Variants in NRXN3 observed in about 807,000 individuals in gnomAD.
NRXN3 encodes the protein neurexin 3.
A neutral mutation model predicts 137.6 loss-of-function variants in NRXN3; 32 were observed. That is an observed-to-expected ratio of 0.23 (90% confidence interval 0.18 to 0.31). The LOEUF is 0.31. Among genes scored for constraint, NRXN3 ranks in the 10% least tolerant of loss-of-function variants. The pLI is 1.00. For missense variants in NRXN3, 1,574 were observed against 2,062.5 expected (o/e 0.76, Z 4.59); for synonymous variants, 798 against 784.5 (o/e 1.02, Z -0.29).
intron 8 of NRXN3, among the ~76,000 whole-genome samples, chr14:78,772,229 G>A (rs745558952): frequency 6.6e-6 from 1 of 152,100 alleles, no homozygotes; most frequent in African/African-American, 2.4e-5. Context: ...AGTGACACTG[G>A]TTTCAATGAA....
chr14:78,725,341 T>C (rs929701770), intron 8 of NRXN3, among the ~76,000 whole-genome samples: 1 of 152,222 alleles, frequency 6.6e-6, no homozygotes, highest in Admixed American at 6.5e-5. Flanking sequence ...AGATAACTGC[T>C]CTGATGTTTG....
intron 2 of NRXN3, among the ~76,000 whole-genome samples, chr14:78,246,840 G>GAGA (rs995529196): frequency 3.3e-5 from 5 of 152,218 alleles, no homozygotes; most frequent in African/African-American, 1.2e-4. Flanking sequence ...AGTGGGTAGA[G>GAGA]AGAAATGCAT....
chr14:78,959,700 A>C (rs2152975049), intron 11 of NRXN3, among the ~76,000 whole-genome samples: 1 of 152,318 alleles, frequency 6.6e-6, no homozygotes, highest in African/African-American at 2.4e-5. Flanking sequence ...ATTTTAAAAG[A>C]GATGTACAAA....
intron 20 of NRXN3, among the ~76,000 whole-genome samples, chr14:79,830,049 C>T (rs1032501664): frequency 8.5e-5 from 13 of 152,192 alleles, no homozygotes; most frequent in South Asian, 2.1e-4. Flanking sequence ...GCATCATGGC[C>T]GCTTCCTTTA....
intron 10 of NRXN3, among the ~76,000 whole-genome samples, chr14:78,847,375 G>A (rs917302560): frequency 6.6e-6 from 1 of 152,120 alleles, no homozygotes; most frequent in African/African-American, 2.4e-5. Context: ...GACTCAAATT[G>A]CATCTTGCCC....
chr14:79,718,251 C>T (rs921735755), intron 19 of NRXN3, among the ~76,000 whole-genome samples: 11 of 152,050 alleles, frequency 7.2e-5, no homozygotes, highest in Non-Finnish European at 7.4e-5. Flanking sequence ...GCAGAGGGAA[C>T]GGTTAGTGTA....
chr14:78,886,970 G>A (rs1008403470), intron 10 of NRXN3, among the ~76,000 whole-genome samples: 15 of 152,188 alleles, frequency 9.9e-5, no homozygotes, highest in Admixed American at 1.3e-4. Context: ...GTCTAACTTC[G>A]TTTTGTGTTT....
intron 15 of NRXN3, among the ~76,000 whole-genome samples, chr14:79,044,862 C>G (rs980433000): frequency 6.0e-5 from 9 of 149,872 alleles, no homozygotes; most frequent in Non-Finnish European, 1.0e-4. Context: ...CTGCTATAAC[C>G]ATTCTCAGCA....
intron 4 of NRXN3, among the ~76,000 whole-genome samples, chr14:78,456,968 T>A (rs114336223): frequency 0.031 from 4,558 of 147,174 alleles, 229 homozygotes; most frequent in East Asian, 0.28. Context: ...GCTTCCTTCC[T>A]TCTTCCTTCT....
intron 15 of NRXN3, among the ~76,000 whole-genome samples, chr14:79,122,115 A>C (rs1411804053): frequency 2.0e-5 from 3 of 152,172 alleles, no homozygotes; most frequent in African/African-American, 4.8e-5. Context: ...CTGGTGAAGA[A>C]GTTTTGACCA....
At chr14:79,439,059 A>G (rs1017423153) in intron 15 of NRXN3, among the ~76,000 whole-genome samples, 1 of 152,258 alleles carries the variant, frequency 6.6e-6, no homozygotes, top group Admixed American at 6.5e-5. Flanking sequence ...TTTCTCTGCA[A>G]GATGCATTCT....
intron 17 of NRXN3, among the ~76,000 whole-genome samples, chr14:79,688,509 A>C (rs142119171): frequency 8.1e-4 from 123 of 152,252 alleles, no homozygotes; most frequent in African/African-American, 2.5e-3. Context: ...TTTTCACTTG[A>C]AATAATTGTA....
chr14:79,805,326 A>C, intron 20 of NRXN3, 136 bp downstream of exon 20: 1 of 403,884 alleles, frequency 2.5e-6, no homozygotes, highest in Non-Finnish European at 4.4e-6. Context: ...ATATCTATAT[A>C]TGTATAAGTA....
chr14:78,614,194 G>A (rs545640487), intron 4 of NRXN3, among the ~76,000 whole-genome samples: 10 of 152,282 alleles, frequency 6.6e-5, no homozygotes, highest in Admixed American at 5.9e-4. Context: ...GAGTGGACTG[G>A]TCTCATTCAA....
intron 15 of NRXN3, among the ~76,000 whole-genome samples, chr14:79,211,341 A>G (rs2067633517): frequency 6.6e-6 from 1 of 152,200 alleles, no homozygotes; most frequent in Non-Finnish European, 1.5e-5. Context: ...ATTGGGAAGA[A>G]ATGAAAATAC....
At chr14:79,035,933 T>C (rs1000317120) in intron 15 of NRXN3, among the ~76,000 whole-genome samples, 3 of 152,232 alleles carry the variant, frequency 2.0e-5, no homozygotes, top group East Asian at 3.9e-4. Context: ...ATGCTAACAG[T>C]AGAATTTTAG....
chr14:79,824,043 G>T, intron 20 of NRXN3: 1 of 361,752 alleles, frequency 2.8e-6, no homozygotes, highest in Non-Finnish European at 6.0e-6. Flanking sequence ...GCTTTCACCA[G>T]AGTCTTGGGA....
intron 15 of NRXN3, among the ~76,000 whole-genome samples, chr14:79,224,764 A>G (rs1000151624): frequency 8.5e-5 from 13 of 152,178 alleles, no homozygotes; most frequent in Non-Finnish European, 1.6e-4. Context: ...CATTGTGTGC[A>G]GACACAGACA....
intron 4 of NRXN3, among the ~76,000 whole-genome samples, chr14:78,441,129 G>C (rs1308289671): frequency 6.6e-6 from 1 of 152,108 alleles, no homozygotes; most frequent in Non-Finnish European, 1.5e-5. Flanking sequence ...AGGAGTAGTT[G>C]ATGGCTAGAT....
Sources: gnomAD v4.1 joint callset for allele counts (sites outside exome capture counted in the v4.1 genomes callset) on GRCh38, gnomAD v4.1.1 for gene constraint, MANE v1.5 for transcripts, NCBI Gene and HGNC (gene_info 2026-07-23, HGNC 2026-07-21) for gene names.